The following CLCN3 variants were observed in gnomAD, a reference collection of about 807,000 sequenced individuals.
CLCN3 encodes the protein Cl-/H+ antiporter 3.
In CLCN3, 16 loss-of-function variants were observed where a neutral mutation model predicts 83.4. The ratio of observed to expected loss-of-function variants is 0.19; its 90% CI spans 0.13 to 0.29. The LOEUF (loss-of-function observed/expected upper bound fraction) is 0.29, where lower values mean the gene tolerates loss of function less well. CLCN3 is among the 10% of genes least tolerant of loss of function. CLCN3 has a pLI of 1.00. For synonymous variants in CLCN3, 322 were observed against 346.2 expected, an observed-to-expected ratio of 0.93 and a Z score of 0.78; for missense variants, 544 against 1,006.0, an observed-to-expected ratio of 0.54 and a Z score of 6.21.
chr4:169,653,640 CAA>C (rs70964215), intron 2 of CLCN3, among the ~76,000 whole-genome samples: 15 of 73,572 alleles, frequency 2.0e-4, no homozygotes, highest in Non-Finnish European at 2.8e-4. Context: ...GACTCCGTCT[CAA>C]AAAAAAAAAA....
At chr4:169,700,665 C>G (rs1732750352) in intron 9 of CLCN3, among the ~76,000 whole-genome samples, 1 of 151,984 alleles carries the variant, frequency 6.6e-6, no homozygotes, top group Non-Finnish European at 1.5e-5. Context: ...TTAATTGATT[C>G]ATATAAATAG....
chr4:169,681,806 G>A (rs535501631), intron 3 of CLCN3, among the ~76,000 whole-genome samples: 1 of 152,226 alleles, frequency 6.6e-6, no homozygotes, highest in South Asian at 2.1e-4. Context: ...ATTAGTGAGA[G>A]AATGACATTG....
intron 4 of CLCN3, among the ~76,000 whole-genome samples, chr4:169,688,721 G>A (rs967695547): frequency 3.3e-5 from 5 of 151,952 alleles, no homozygotes; most frequent in African/African-American, 7.3e-5. Flanking sequence ...TTAAGTTATC[G>A]ATTGAAAATT....
intron 3 of CLCN3, among the ~76,000 whole-genome samples, chr4:169,684,235 T>G (rs1407003162): frequency 1.3e-5 from 2 of 152,246 alleles, no homozygotes; most frequent in African/African-American, 4.8e-5. Flanking sequence ...GTTCCTTTTT[T>G]ATTTATTAGC....
At chr4:169,674,360 G>C (rs527916833) in intron 2 of CLCN3, among the ~76,000 whole-genome samples, 13 of 152,276 alleles carry the variant, frequency 8.5e-5, no homozygotes, top group African/African-American at 3.1e-4. Context: ...AGTGGCATTT[G>C]CATTTTCTAA....
intron 1 of CLCN3, among the ~76,000 whole-genome samples, chr4:169,634,949 T>C (rs572011923): frequency 6.6e-6 from 1 of 152,298 alleles, no homozygotes; most frequent in Admixed American, 6.5e-5. Context: ...CATAAATACC[T>C]TTTTGTTATT....
Position 169,723,114 on chromosome 4 carries a change from C to G in CLCN3, c.*3117C>G, listed in dbSNP as rs1356200210. 1.3e-5 allele frequency: 2 copies of G among 152,126 alleles called. No homozygotes were observed. The highest frequency in any genetic ancestry group is 2.9e-5 in the Non-Finnish European group (2 of 68,034). 9.4% of individuals were successfully genotyped at this position (152,126 alleles called of 1,614,324 possible). On this transcript the variant is annotated 3_prime_UTR_variant, in exon 13 of 13. Transcript: ENST00000513761. ...TTTTATTTATACTAGTGTAGTAAAG[C>G]TGCATATCATTACAGTAAAAACGAC... is the stretch of plus-strand genomic sequence containing the variant.
chr4:169,720,128 G>A lies in CLCN3; in HGVS notation c.*131G>A, dbSNP rs534766116. On this transcript the variant is annotated 3_prime_UTR_variant, in exon 13 of 13. Coordinates refer to ENST00000513761, the MANE Select transcript of CLCN3 (RefSeq NM_001829.4). ...AAAAAAGAAAGGAAATATAAAAGCC[G>A]GGTTTTTGCAACATGGTTTGCAAAT... 443 of 1,426,668 alleles carry A rather than the reference G, an allele frequency of 3.1e-4. 6 individuals carry two copies. Among genetic ancestry groups the A allele is most frequent in the East Asian group, 2.1e-4 (9 of 42,812 alleles). 88.4% of individuals were successfully genotyped at this position (1,426,668 alleles called of 1,614,324 possible). A position where few individuals can be genotyped will look rare whatever the true frequency, so the allele number is the denominator to read the frequency against.
At chr4:169,644,904 C>T (rs1730529953) in intron 2 of CLCN3, among the ~76,000 whole-genome samples, 1 of 152,040 alleles carries the variant, frequency 6.6e-6, no homozygotes, top group African/African-American at 2.4e-5. Flanking sequence ...GAGAAAAAGG[C>T]CATAATCCGA....
At chr4:169,676,851 T>C (rs1364310120) in intron 2 of CLCN3, among the ~76,000 whole-genome samples, 1 of 152,070 alleles carries the variant, frequency 6.6e-6, no homozygotes, top group Non-Finnish European at 1.5e-5. Context: ...ACTATACTCA[T>C]ATATGTTTCT....
intron 2 of CLCN3, among the ~76,000 whole-genome samples, chr4:169,659,552 G>T (rs2150218261): frequency 6.6e-6 from 1 of 152,196 alleles, no homozygotes; most frequent in Non-Finnish European, 1.5e-5. Context: ...TACTTAGTAC[G>T]TTGATAGTTT....
At chr4:169,695,974 A>G (rs574591238) in intron 8 of CLCN3, among the ~76,000 whole-genome samples, 3 of 152,352 alleles carry the variant, frequency 2.0e-5, no homozygotes, top group East Asian at 3.9e-4. Flanking sequence ...ATTTGACTTA[A>G]TAGAGGACAT....
At chr4:169,623,927 G>C (rs995738412) in intron 1 of CLCN3, among the ~76,000 whole-genome samples, 1 of 151,908 alleles carries the variant, frequency 6.6e-6, no homozygotes, top group African/African-American at 2.4e-5. Context: ...GATCCTTTTA[G>C]ATATCTCTAA....
chr4:169,680,092 C>T lies in CLCN3; in HGVS notation c.203C>T (p.Ser68Phe). Residue 68 changes from serine to phenylalanine, a missense_variant, in exon 3 of 13, where the codon TCT becomes TTT. By Grantham distance (155) the Ser-to-Phe change is radical. Transcript: ENST00000513761. Reference sequence around the variant, plus strand: ...ACAAATGGAGGCAGCATTAACAGTTCTACACATTTACTGGATCTTTTGGAT... The same window carrying T: ...ACAAATGGAGGCAGCATTAACAGTTTTACACATTTACTGGATCTTTTGGAT... ...TMTNGGSINS[S>F]THLLDLLDEP... The T allele has an allele frequency of 6.2e-7, 1 of 1,611,974 alleles. No homozygotes were observed. The highest frequency in any genetic ancestry group is 8.5e-7 in the Non-Finnish European group (1 of 1,178,026).
chr4:169,686,495 C>T (rs1732162654), intron 3 of CLCN3, among the ~76,000 whole-genome samples: 3 of 151,582 alleles, frequency 2.0e-5, no homozygotes, highest in Non-Finnish European at 4.4e-5. Flanking sequence ...CTGCTCACTG[C>T]CACCTCCGCC....
At chr4:169,679,468 T>G (rs1731837407) in intron 2 of CLCN3, among the ~76,000 whole-genome samples, 1 of 151,710 alleles carries the variant, frequency 6.6e-6, no homozygotes, top group South Asian at 2.1e-4. Context: ...GCAGAGACGC[T>G]CCTCACTTCC....
chr4:169,701,118 A>G (rs1732769436), intron 9 of CLCN3, among the ~76,000 whole-genome samples: 1 of 152,238 alleles, frequency 6.6e-6, no homozygotes, highest in Non-Finnish European at 1.5e-5. Flanking sequence ...TCATCCTCTC[A>G]AACCCTGCTA....
chr4:169,668,523 C>T (rs9761582), intron 2 of CLCN3, among the ~76,000 whole-genome samples: 6,811 of 152,174 alleles, frequency 0.045, 341 homozygotes, highest in African/African-American at 0.13. Flanking sequence ...ACAGAACTAA[C>T]GGGAGGCAGG....
intron 9 of CLCN3, among the ~76,000 whole-genome samples, chr4:169,702,430 G>A (rs1732824841): frequency 6.6e-6 from 1 of 152,182 alleles, no homozygotes. Context: ...TTAGTGATGA[G>A]TAATGTTTTA....
Sources: allele counts gnomAD v4.1 joint callset (sites outside exome capture counted in the v4.1 genomes callset), GRCh38; gene constraint gnomAD v4.1.1; transcripts MANE v1.5; gene names NCBI Gene and HGNC (gene_info 2026-07-23, HGNC 2026-07-21).